Variants in FNIP1 observed in about 807,000 individuals in gnomAD.
The protein encoded by FNIP1 is folliculin-interacting protein 1.
Under a neutral mutation model 124.5 loss-of-function variants are expected in FNIP1, and 40 were observed. The observed-to-expected ratio is 0.32, with a 90% CI of 0.25 to 0.42. The LOEUF is 0.42. Ranked by LOEUF, FNIP1 falls within the 10% of genes least tolerant of loss-of-function variation. The probability of loss-of-function intolerance (pLI) is 1.00; values close to 1 mark genes in which losing one functional copy is unlikely to be tolerated. For missense variants in FNIP1, 1,176 were observed against 1,403.7 expected (o/e 0.84, Z 2.59); for synonymous variants, 472 against 470.6 (o/e 1.00, Z -0.04).
At chr5:131,701,831 C>T (rs891713571) in intron 10 of FNIP1, among the ~76,000 whole-genome samples, 3 of 152,202 alleles carry the variant, frequency 2.0e-5, no homozygotes, top group African/African-American at 2.4e-5. Flanking sequence ...TTGCAAACAG[C>T]CTTAAAGACA....
intron 11 of FNIP1, among the ~76,000 whole-genome samples, chr5:131,684,045 C>T (rs747915287): frequency 1.3e-5 from 2 of 152,160 alleles, no homozygotes; most frequent in Non-Finnish European, 2.9e-5. Flanking sequence ...CTGTAAGGTA[C>T]ATCACAATCT....
At chr5:131,652,658 AAACAG>A (rs1196558496) in intron 15 of FNIP1, among the ~76,000 whole-genome samples, 3 of 152,174 alleles carry the variant, frequency 2.0e-5, no homozygotes, top group Admixed American at 1.3e-4. Flanking sequence ...AACATTTTAA[AAACAG>A]AACAGGACAG....
At chr5:131,652,294 G>C (rs1241349241) in intron 15 of FNIP1, among the ~76,000 whole-genome samples, 3 of 152,200 alleles carry the variant, frequency 2.0e-5, no homozygotes, top group Non-Finnish European at 2.9e-5. Flanking sequence ...AATGTATTAA[G>C]TGTCTACTAT....
chr5:131,790,841 G>A (rs1772385541), intron 1 of FNIP1, among the ~76,000 whole-genome samples: 1 of 152,154 alleles, frequency 6.6e-6, no homozygotes, highest in Non-Finnish European at 1.5e-5. Flanking sequence ...TCAAGAACAG[G>A]GAGCAGTACA....
At position 131,736,389 on chromosome 5, in the gene FNIP1, A is replaced by G. The variant is rs188687759; in HGVS notation, c.220-5351T>C. 1.1e-3 allele frequency among the ~76,000 whole-genome samples: 169 copies of G among 152,314 alleles called. 1 individual carries two copies. Among genetic ancestry groups the G allele is most frequent in the African/African-American group, 3.8e-3 (160 of 41,566 alleles). The stretch of plus-strand genomic sequence containing the variant: ...ACAAGAGCTAGTAAATCTGTTATCT[A>G]CTTATAGACAAAACCCAGTTGGCTT... On this transcript the variant is annotated intron_variant, in intron 2 of 17. Transcript: ENST00000510461.
intron 15 of FNIP1, among the ~76,000 whole-genome samples, chr5:131,670,152 A>C (rs1248562240): frequency 6.6e-6 from 1 of 152,228 alleles, no homozygotes; most frequent in Non-Finnish European, 1.5e-5. Flanking sequence ...TGAAAAGGAA[A>C]TTAAGAAAAT....
At chr5:131,657,746 A>AAAAAAAAC (rs1767245689) in intron 15 of FNIP1, among the ~76,000 whole-genome samples, 1 of 150,554 alleles carries the variant, frequency 6.6e-6, no homozygotes, top group African/African-American at 2.5e-5. Flanking sequence ...CAAAAAAAAA[A>AAAAAAAAC]AAAAAAAAAA....
chr5:131,745,601 ATGTGTATATATATGTG>A (rs1017027535), intron 1 of FNIP1, among the ~76,000 whole-genome samples: 1 of 152,156 alleles, frequency 6.6e-6, no homozygotes, highest in Non-Finnish European at 1.5e-5. Context: ...TAAATTTAGT[ATGTGTATATATATGTG>A]TGTGTATACA....
At chr5:131,794,055 C>T (rs1772495588) in intron 1 of FNIP1, among the ~76,000 whole-genome samples, 1 of 151,470 alleles carries the variant, frequency 6.6e-6, no homozygotes, top group South Asian at 2.1e-4. Context: ...TTTGGCCAGG[C>T]ATGGTGGCTC....
In FNIP1 at chr5:131,717,036, G is replaced by A. The variant is rs568442163; in HGVS notation, c.531-380C>T. 4.7e-3 allele frequency among the ~76,000 whole-genome samples: 721 copies of A among 151,892 alleles called. 5 individuals are homozygous for A. Among genetic ancestry groups the A allele is most frequent in the African/African-American group, 0.017 (684 of 41,432 alleles). On this transcript the variant is annotated intron_variant, in intron 5 of 17. Coordinates refer to ENST00000510461, the MANE Select transcript of FNIP1 (RefSeq NM_133372.3). The stretch of plus-strand genomic sequence containing the variant: ...AAGTTTTAGGGTACATGTGCACAAT[G>A]TGCAGGTTTGTTACATATGTATACA...
rs764635077 is a variant in FNIP1 at position 131,719,349 on chromosome 5, G to A, written c.423C>T (p.Tyr141=). Residue 141 remains tyrosine (Y), a synonymous_variant, in exon 4 of 18, where the codon TAC becomes TAT. Transcript: ENST00000510461. The stretch of plus-strand genomic sequence containing the variant: ...GATGAATTTTTAAGGTGGATCCTTT[G>A]TAGCTCATTGCTACTGAGCCAAACA... ...EMMFGSVAMS[Y]KGSTLKIHQI... The A allele has an allele frequency of 3.0e-5, 48 of 1,613,210 alleles. No homozygotes were observed. Among genetic ancestry groups the A allele is most frequent in the Non-Finnish European group, 3.9e-5 (46 of 1,179,766 alleles).
chr5:131,796,904 G>C lies in FNIP1; in HGVS notation c.18C>G (p.Phe6Leu). MAPTLFQKLFSKRTGL... is the reference protein window; with the variant it reads MAPTLLQKLFSKRTGL... ...CGGTCCTCTTGCTGAAGAGCTTCTG[G>C]AACAGCGTAGGGGCCATGCTAGCCA... is the stretch of plus-strand genomic sequence containing the variant. Residue 6 changes from phenylalanine to leucine, a missense_variant, in exon 1 of 18, where the codon TTC becomes TTG. Transcript: ENST00000510461. 6.2e-7 allele frequency: 1 copy of C among 1,608,318 alleles called. No individual in the cohort carries two copies. Among genetic ancestry groups the C allele is most frequent in the African/African-American group, 1.3e-5 (1 of 74,948 alleles).
At chr5:131,732,970 G>A (rs1389591632) in intron 2 of FNIP1, among the ~76,000 whole-genome samples, 1 of 152,168 alleles carries the variant, frequency 6.6e-6, no homozygotes, top group African/African-American at 2.4e-5. Flanking sequence ...AGCATGGAAT[G>A]TTCTTCCATT....
chr5:131,723,873 C>G (rs1046402982), intron 3 of FNIP1, among the ~76,000 whole-genome samples: 12 of 151,898 alleles, frequency 7.9e-5, no homozygotes, highest in Non-Finnish European at 4.4e-5. Flanking sequence ...CCCCCACCCC[C>G]CAATAGGTCC....
intron 3 of FNIP1, among the ~76,000 whole-genome samples, chr5:131,719,633 A>C (rs1414654433): frequency 6.6e-6 from 1 of 152,184 alleles, no homozygotes. Context: ...ATTCCTTTTA[A>C]GAGCTGTACA....
intron 16 of FNIP1, among the ~76,000 whole-genome samples, chr5:131,650,735 T>G (rs1038652443): frequency 6.6e-6 from 1 of 152,218 alleles, no homozygotes; most frequent in African/African-American, 2.4e-5. Flanking sequence ...CCACTTAGTG[T>G]GATGTTGGCT....
chr5:131,692,037 A>G (rs11748931), intron 11 of FNIP1, among the ~76,000 whole-genome samples: 5 of 152,166 alleles, frequency 3.3e-5, no homozygotes, highest in Non-Finnish European at 7.4e-5. Flanking sequence ...ACAAAGATAC[A>G]AAAAAGAGGG....
chr5:131,700,039 A>C (rs1768846272), intron 10 of FNIP1, among the ~76,000 whole-genome samples: 2 of 147,950 alleles, frequency 1.4e-5, no homozygotes, highest in South Asian at 4.3e-4. Flanking sequence ...GCTGGAGTGC[A>C]GTGGCACAAT....
intron 11 of FNIP1, among the ~76,000 whole-genome samples, chr5:131,692,510 A>G (rs1768516326): frequency 6.6e-6 from 1 of 152,190 alleles, no homozygotes; most frequent in East Asian, 1.9e-4. Context: ...CACAATCCCA[A>G]TGAGAATCTC....
Sources: gnomAD v4.1 joint callset for allele counts (sites outside exome capture counted in the v4.1 genomes callset) on GRCh38, gnomAD v4.1.1 for gene constraint, MANE v1.5 for transcripts, NCBI Gene and HGNC (gene_info 2026-07-23, HGNC 2026-07-21) for gene names.